PTPN11: variants seen among roughly 807,000 people sequenced by gnomAD.
PTPN11 encodes tyrosine-protein phosphatase non-receptor type 11.
PTPN11 carries 6 observed loss-of-function variants against 78.8 expected under a neutral mutation model. The observed-to-expected ratio is 0.08, with a 90% confidence interval of 0.04 to 0.15. The LOEUF (loss-of-function observed/expected upper bound fraction) is 0.15, where lower values mean the gene tolerates loss of function less well. Among genes scored for constraint, PTPN11 ranks in the 10% least tolerant of loss-of-function variants. PTPN11 has a pLI of 1.00. For synonymous variants in PTPN11, 221 were observed against 263.5 expected (o/e 0.84, Z 1.56); for missense variants, 386 against 744.8 (o/e 0.52, Z 5.61).
rs2038910786 is a variant in PTPN11, at chr12:112,504,442, C to T, written c.1713-253C>T. ...ACTCCTGACCTCGTGATCCACCCAC[C>T]TGGGCCTCCCAAAGTTCTGGGATTA... On this transcript the variant is annotated intron_variant, in intron 14 of 15. Coordinates refer to ENST00000351677, the MANE Select transcript of PTPN11 (RefSeq NM_002834.5). The surrounding 1 kb of genome is among the most constrained non-coding windows in gnomAD (Gnocchi z 4.7). 1.3e-5 allele frequency among the ~76,000 whole-genome samples: 2 copies of T among 152,238 alleles called. No homozygotes were observed. The highest frequency in any genetic ancestry group is 2.9e-5 in the Non-Finnish European group (2 of 68,050).
At chr12:112,429,674 C>A (rs2037680096) in intron 1 of PTPN11, among the ~76,000 whole-genome samples, 1 of 151,210 alleles carries the variant, frequency 6.6e-6, no homozygotes, top group South Asian at 2.1e-4. Context: ...TGTGGTGGTA[C>A]ACACCTGTAA....
At chr12:112,445,897 C>T (rs919513456) in intron 1 of PTPN11, among the ~76,000 whole-genome samples, 8 of 152,150 alleles carry the variant, frequency 5.3e-5, no homozygotes, top group Admixed American at 6.6e-5. Flanking sequence ...GCCTCGGCCT[C>T]CCAAAGTCCT....
intron 13 of PTPN11, among the ~76,000 whole-genome samples, chr12:112,490,504 G>T (rs1452387076): frequency 6.6e-6 from 1 of 151,860 alleles, no homozygotes; most frequent in Non-Finnish European, 1.5e-5. Context: ...TCACAGTTTC[G>T]CCATGTTGCC....
chr12:112,442,914 G>GTATATA (rs2037931386), intron 1 of PTPN11, among the ~76,000 whole-genome samples: 1 of 113,620 alleles, frequency 8.8e-6, no homozygotes, highest in Non-Finnish European at 1.9e-5. Context: ...GTATGTATAT[G>GTATATA]TATGTATTTT....
At chr12:112,487,611 T>C (rs2038695769) in intron 11 of PTPN11, among the ~76,000 whole-genome samples, 1 of 152,292 alleles carries the variant, frequency 6.6e-6, no homozygotes, top group Non-Finnish European at 1.5e-5. Context: ...CTGGGGAATA[T>C]TGGGTTTCCT....
rs535972085 is a variant in PTPN11 at position 112,473,354 on chromosome 12, C to T, written c.853+314C>T. On this transcript the variant is annotated intron_variant, in intron 7 of 15. Coordinates refer to ENST00000351677, the MANE Select transcript of PTPN11 (RefSeq NM_002834.5). ...CTTGGGATCTCTCAGTGTCAGGGAC[C>T]TTAGGGTGCCAGATTTGTGTCTTGA... is the stretch of plus-strand genomic sequence containing the variant. 5.3e-5 allele frequency among the ~76,000 whole-genome samples: 8 copies of T among 152,252 alleles called. No individual in the cohort carries two copies. In the South Asian group the frequency reaches 1.7e-3, roughly 32 times the overall value.
At chr12:112,434,675 G>A (rs1489156186) in intron 1 of PTPN11, among the ~76,000 whole-genome samples, 1 of 152,108 alleles carries the variant, frequency 6.6e-6, no homozygotes, top group Non-Finnish European at 1.5e-5. Context: ...TAAAACAAGA[G>A]AATCCCATTT....
chr12:112,437,239 C>T (rs1436005852), intron 1 of PTPN11, among the ~76,000 whole-genome samples: 1 of 152,084 alleles, frequency 6.6e-6, no homozygotes, highest in African/African-American at 2.4e-5. Context: ...CAGCCTCTGC[C>T]TCCCGCCTCC....
At chr12:112,441,297 G>A (rs1044980818) in intron 1 of PTPN11, among the ~76,000 whole-genome samples, 5 of 148,330 alleles carry the variant, frequency 3.4e-5, no homozygotes, top group Non-Finnish European at 4.5e-5. Context: ...GGTCTTGCTC[G>A]ATTGCCTAGG....
At chr12:112,424,185 T>C (rs1292046812) in intron 1 of PTPN11, among the ~76,000 whole-genome samples, 1 of 152,162 alleles carries the variant, frequency 6.6e-6, no homozygotes, top group Non-Finnish European at 1.5e-5. Context: ...GTGCTAGGCA[T>C]TGAGTATTCC....
chr12:112,488,630 G>T, intron 12 of PTPN11, 120 bp downstream of exon 12: 1 of 1,035,594 alleles, frequency 9.7e-7, no homozygotes, highest in Middle Eastern at 2.0e-4. Context: ...CAAAAATCTG[G>T]GCTGAAGACT....
At chr12:112,420,004 T>G (rs900721287) in intron 1 of PTPN11, among the ~76,000 whole-genome samples, 1 of 152,234 alleles carries the variant, frequency 6.6e-6, no homozygotes, top group African/African-American at 2.4e-5. Flanking sequence ...TTATCCCCAT[T>G]GTAAAGATGA....
chr12:112,494,949 C>A (rs1022741349), intron 13 of PTPN11, among the ~76,000 whole-genome samples: 1 of 152,084 alleles, frequency 6.6e-6, no homozygotes, highest in African/African-American at 2.4e-5. Flanking sequence ...GTTCTGAGCA[C>A]GTTTAAAGTA....
chr12:112,446,507 T>G (rs2037996726), intron 2 of PTPN11, 109 bp downstream of exon 2: 3 of 1,510,622 alleles, frequency 2.0e-6, no homozygotes, highest in Non-Finnish European at 2.7e-6. Context: ...AGGCCTTATC[T>G]GAGCCCTGGG....
chr12:112,474,444 C>T (rs941037097), intron 7 of PTPN11, among the ~76,000 whole-genome samples: 2 of 152,104 alleles, frequency 1.3e-5, no homozygotes, highest in African/African-American at 4.8e-5. Context: ...TCTTGAACTC[C>T]TGGGCTCAAG....
intron 13 of PTPN11, among the ~76,000 whole-genome samples, chr12:112,499,834 C>T (rs766675553): frequency 6.0e-5 from 9 of 150,958 alleles, no homozygotes; most frequent in East Asian, 2.0e-4. Flanking sequence ...CTGTAGCTAT[C>T]GGGAGGCTGA....
intron 1 of PTPN11, among the ~76,000 whole-genome samples, chr12:112,429,263 G>C (rs2037673338): frequency 6.6e-6 from 1 of 152,062 alleles, no homozygotes; most frequent in Non-Finnish European, 1.5e-5. Context: ...ACTGTCTCCA[G>C]CCTCTGTGCT....
intron 6 of PTPN11, among the ~76,000 whole-genome samples, chr12:112,461,443 A>G (rs2038247115): frequency 6.6e-6 from 1 of 151,076 alleles, no homozygotes; most frequent in South Asian, 2.1e-4. Flanking sequence ...CTCCTGCCTC[A>G]GTTTCCTGTG....
intron 3 of PTPN11, among the ~76,000 whole-genome samples, chr12:112,452,488 A>G (rs2038093012): frequency 6.6e-6 from 1 of 151,678 alleles, no homozygotes; most frequent in Non-Finnish European, 1.5e-5. Context: ...GGCCTCCCAA[A>G]GTGTTGGGAT....
Sources: allele counts gnomAD v4.1 joint callset (sites outside exome capture counted in the v4.1 genomes callset), GRCh38; gene constraint gnomAD v4.1.1; non-coding constraint Gnocchi (gnomAD v3.1); transcripts MANE v1.5; gene names NCBI Gene and HGNC (gene_info 2026-07-23, HGNC 2026-07-21).